ADK: variants seen among roughly 807,000 people sequenced by gnomAD.
ADK encodes the protein adenosine kinase.
Under a neutral mutation model 44.7 loss-of-function variants are expected in ADK, and 24 were observed. That is an observed-to-expected ratio of 0.54 (90% CI 0.39 to 0.76). The LOEUF (loss-of-function observed/expected upper bound fraction) is 0.76, where lower values mean the gene tolerates loss of function less well. Ranked by LOEUF, ADK falls within the 30% of genes least tolerant of loss-of-function variation. The pLI is 0.00. For missense variants in ADK, 321 were observed against 425.1 expected, an observed-to-expected ratio of 0.76 and a Z score of 2.15; for synonymous variants, 128 against 142.6, an observed-to-expected ratio of 0.90 and a Z score of 0.73.
At chr10:74,297,082 G>A (rs1839844988) in intron 3 of ADK, among the ~76,000 whole-genome samples, 2 of 152,198 alleles carry the variant, frequency 1.3e-5, no homozygotes, top group Non-Finnish European at 2.9e-5. Context: ...TGTTGGTACT[G>A]GTTGTTACAG....
At chr10:74,180,744 A>C (rs1591815736) in intron 1 of ADK, among the ~76,000 whole-genome samples, 1 of 152,120 alleles carries the variant, frequency 6.6e-6, no homozygotes, top group Non-Finnish European at 1.5e-5. Context: ...AGGCGTGAGC[A>C]ACCGTGCCCG....
At chr10:74,706,791 A>G (rs898114760) in intron 10 of ADK, among the ~76,000 whole-genome samples, 4 of 152,202 alleles carry the variant, frequency 2.6e-5, no homozygotes, top group Non-Finnish European at 4.4e-5. Context: ...AATCTGCTAG[A>G]ATTTTTATTA....
At position 74,228,889 on chromosome 10, in the gene ADK, A is replaced by AT. The variant is rs964028169; in HGVS notation, c.194+4308dup. Among the ~76,000 whole-genome samples the AT allele has an allele frequency of 3.1e-3, 471 of 150,090 alleles. 2 individuals are homozygous for AT. Among genetic ancestry groups the AT allele is most frequent in the Non-Finnish European group, 5.8e-3 (393 of 67,292 alleles). On this transcript the variant is annotated intron_variant, in intron 3 of 10. Transcript: ENST00000539909. Reference sequence around the variant, plus strand: ...ACACAGAGTAACCTGGTATCTGAAGATTTTTTTTTTGTTTGCTATAAGGCA... The same window carrying AT: ...ACACAGAGTAACCTGGTATCTGAAGATTTTTTTTTTTGTTTGCTATAAGGCA...
intron 6 of ADK, among the ~76,000 whole-genome samples, chr10:74,520,191 G>T (rs568343924): frequency 6.6e-6 from 1 of 151,988 alleles, no homozygotes; most frequent in Non-Finnish European, 1.5e-5. Context: ...ACGCATATGT[G>T]TAGTTAATCA....
intron 7 of ADK, among the ~76,000 whole-genome samples, chr10:74,546,923 A>G (rs1849840568): frequency 6.6e-6 from 1 of 152,176 alleles, no homozygotes; most frequent in Admixed American, 6.5e-5. Context: ...TAAAAATACA[A>G]AAACATGCAA....
At chr10:74,677,965 C>CA (rs3037448) in intron 10 of ADK, among the ~76,000 whole-genome samples, 3,921 of 43,012 alleles carry the variant, frequency 0.091, 1,330 homozygotes, top group African/African-American at 0.21. Flanking sequence ...CCAGTCTCTA[C>CA]AAAAAAAAAA....
At chr10:74,433,740 A>G (rs966901140) in intron 6 of ADK, among the ~76,000 whole-genome samples, 5 of 152,188 alleles carry the variant, frequency 3.3e-5, no homozygotes, top group African/African-American at 1.2e-4. Context: ...ATATTAAAGG[A>G]ATTGTTGACT....
intron 6 of ADK, 26 bp downstream of exon 6, chr10:74,398,605 C>A: frequency 7.6e-7 from 1 of 1,319,656 alleles, no homozygotes. Flanking sequence ...ATTCAAATCT[C>A]TAGTACATAT....
rs539286292 is a variant in ADK at position 74,203,690 on chromosome 10, T to G, written c.140+2852T>G. Among the ~76,000 whole-genome samples the G allele has an allele frequency of 4.6e-5, 7 of 152,066 alleles. No homozygotes were observed. The East Asian group carries it at 1.2e-3, about 25-fold the overall frequency. On this transcript the variant is annotated intron_variant, in intron 2 of 10. Coordinates refer to ENST00000539909, the MANE Select transcript of ADK (RefSeq NM_006721.4). ...ATACCTGGCCTGTACGACACTGTTT[T>G]GATTACTGTAGCTTTGTAGTAAATT... is the stretch of plus-strand genomic sequence containing the variant.
intron 3 of ADK, among the ~76,000 whole-genome samples, chr10:74,286,949 A>C (rs1420102066): frequency 1.3e-5 from 2 of 152,118 alleles, no homozygotes; most frequent in Non-Finnish European, 2.9e-5. Flanking sequence ...AGCCTCTTAA[A>C]GTTCTGGGAT....
intron 6 of ADK, among the ~76,000 whole-genome samples, chr10:74,444,460 T>C (rs1049465346): frequency 3.3e-5 from 5 of 152,082 alleles, no homozygotes; most frequent in Non-Finnish European, 7.4e-5. Context: ...AGAGTAAATA[T>C]CTTTAAATTT....
intron 6 of ADK, among the ~76,000 whole-genome samples, chr10:74,401,456 GC>G (rs1843707810): frequency 6.6e-6 from 1 of 152,086 alleles, no homozygotes; most frequent in Non-Finnish European, 1.5e-5. Context: ...AGGATAGTTA[GC>G]TCTTCTTGTT....
chr10:74,463,735 T>C (rs1311949423), intron 6 of ADK, among the ~76,000 whole-genome samples: 1 of 152,210 alleles, frequency 6.6e-6, no homozygotes, highest in African/African-American at 2.4e-5. Context: ...GTTAGGAGGC[T>C]AAAAACAAAC....
At chr10:74,517,822 A>T (rs193196013) in intron 6 of ADK, among the ~76,000 whole-genome samples, 3 of 152,340 alleles carry the variant, frequency 2.0e-5, no homozygotes, top group African/African-American at 7.2e-5. Context: ...TGTCATTGGT[A>T]ACATAACCTT....
chr10:74,302,105 G>T (rs7089267), intron 3 of ADK, among the ~76,000 whole-genome samples: 8,028 of 88,480 alleles, frequency 0.091, 1,505 homozygotes, highest in South Asian at 0.12. Context: ...TTTTTTGTTT[G>T]TTTGTTTTTT....
chr10:74,689,106 G>A (rs2134258623), intron 10 of ADK, among the ~76,000 whole-genome samples: 1 of 151,884 alleles, frequency 6.6e-6, no homozygotes, highest in South Asian at 2.1e-4. Context: ...AAAATTAGCT[G>A]GGCGTGGTGG....
chr10:74,305,519 G>C (rs1359202493), intron 3 of ADK, among the ~76,000 whole-genome samples: 1 of 151,906 alleles, frequency 6.6e-6, no homozygotes, highest in Non-Finnish European at 1.5e-5. Context: ...TTTTCTGACA[G>C]GTGGCTGTTT....
intron 4 of ADK, 42 bp from the exon 5 acceptor site, chr10:74,394,099 A>AT (rs772131709): frequency 5.6e-6 from 9 of 1,600,240 alleles, no homozygotes; most frequent in East Asian, 2.2e-5. Context: ...TATGTGTACC[A>AT]TTTTTTTGCC....
At chr10:74,440,933 G>A (rs1487386752) in intron 6 of ADK, among the ~76,000 whole-genome samples, 1 of 152,102 alleles carries the variant, frequency 6.6e-6, no homozygotes, top group East Asian at 1.9e-4. Flanking sequence ...GAAAACATGG[G>A]TGCTGTCTTT....
Sources: allele counts gnomAD v4.1 joint callset (sites outside exome capture counted in the v4.1 genomes callset), GRCh38; gene constraint gnomAD v4.1.1; transcripts MANE v1.5; gene names NCBI Gene and HGNC (gene_info 2026-07-23, HGNC 2026-07-21).